The following PEAR1 variants were observed in gnomAD, a reference collection of about 807,000 sequenced individuals.
The protein encoded by PEAR1 is platelet endothelial aggregation receptor 1.
In PEAR1, 113 loss-of-function variants were observed where a neutral mutation model predicts 131.2. That is an observed-to-expected ratio of 0.86 (90% CI 0.74 to 1.01). The LOEUF (loss-of-function observed/expected upper bound fraction) is 1.01, where lower values mean the gene tolerates loss of function less well. Ranked by LOEUF, PEAR1 falls within the 50% of genes least tolerant of loss-of-function variation. The pLI is 0.00. For synonymous variants in PEAR1, 565 were observed against 523.3 expected, an observed-to-expected ratio of 1.08 and a Z score of -1.09; for missense variants, 1,408 against 1,391.1, an observed-to-expected ratio of 1.01 and a Z score of -0.19.
intron 22 of PEAR1, 99 bp from the exon 23 acceptor site, chr1:156,914,548 T>G (rs901263960): frequency 1.3e-5 from 16 of 1,267,456 alleles, no homozygotes; most frequent in Non-Finnish European, 1.5e-5. Flanking sequence ...TCTCTTTGCC[T>G]TGAAGAGGCT....
In PEAR1 at chr1:156,914,034, A is replaced by C; in HGVS notation, c.2896A>C (p.Arg966=). 1 of 1,609,756 alleles carries C rather than the reference A, an allele frequency of 6.2e-7. No homozygotes were observed. Among genetic ancestry groups the C allele is most frequent in the Non-Finnish European group, 8.5e-7 (1 of 1,178,212 alleles). Reference sequence around the variant, plus strand: ...GCCTCCTCAGTTCTGGGACAGCCAGAGGCGGCGGCAACCCCAGCCACAGAG... The same window carrying C: ...GCCTCCTCAGTTCTGGGACAGCCAGCGGCGGCGGCAACCCCAGCCACAGAG... ...RQPPQFWDSQ[R]RRQPQPQRDS... Residue 966 remains arginine, a synonymous_variant, in exon 22 of 23, where the codon AGG becomes CGG. Transcript: ENST00000292357.
chr1:156,913,675 T>G lies in PEAR1; in HGVS notation c.2645-17T>G. On this transcript the variant is annotated splice_polypyrimidine_tract_variant and intron_variant, in intron 20 of 22. Transcript: ENST00000292357. ...AGGGGACAGAGGGCTGATTACCAGT[T>G]GCCTCCTCCTCCTCAGGGAGCAGCC... 1 of 1,612,558 alleles carries G rather than the reference T, an allele frequency of 6.2e-7. No homozygotes were observed. Among genetic ancestry groups the G allele is most frequent in the South Asian group, 1.1e-5 (1 of 90,830 alleles).
rs752262891 is a variant in PEAR1 at position 156,904,530 on chromosome 1, G to A, written c.102-218G>A. Among the ~76,000 whole-genome samples the A allele has an allele frequency of 1.0e-3, 155 of 152,170 alleles. 3 individuals are homozygous for A. Among genetic ancestry groups the A allele is most frequent in the Non-Finnish European group, 2.6e-4 (18 of 68,026 alleles). On this transcript the variant is annotated intron_variant, in intron 2 of 22. Transcript: ENST00000292357. ...TCCGGTCCAATAGAGTGGGAAGGGC[G>A]CTCTGATGGAGGGTATCCCAGGAAC...
intron 1 of PEAR1, among the ~76,000 whole-genome samples, chr1:156,899,257 T>C (rs980969190): frequency 6.6e-6 from 1 of 150,660 alleles, no homozygotes; most frequent in African/African-American, 2.4e-5. Context: ...TACTCCAGGA[T>C]AGGAAGTGAT....
Position 156,910,144 on chromosome 1 carries a change from G to C in PEAR1, c.1678+36G>C, listed in dbSNP as rs571245318. 5 of 1,613,848 alleles carry C rather than the reference G, an allele frequency of 3.1e-6. No individual in the cohort carries two copies. The South Asian group carries it at 5.5e-5, about 18-fold the overall frequency. ...TGGGGCCCCAGGCCTACTGTGGATTGGGGGATGCATCCATAGGAAATGTGT... is the reference window on the plus strand; with the variant it reads ...TGGGGCCCCAGGCCTACTGTGGATTCGGGGATGCATCCATAGGAAATGTGT... On this transcript the variant is annotated intron_variant, in intron 13 of 22. Coordinates refer to ENST00000292357, the MANE Select transcript of PEAR1 (RefSeq NM_001080471.3).
intron 2 of PEAR1, 70 bp downstream of exon 2, chr1:156,904,097 G>T: frequency 7.7e-7 from 1 of 1,299,350 alleles, no homozygotes; most frequent in Non-Finnish European, 1.1e-6. Context: ...TGTCCCTACT[G>T]GGGTCCTTTT....
intron 2 of PEAR1, 33 bp downstream of exon 2, chr1:156,904,060 C>A: frequency 6.5e-7 from 1 of 1,543,678 alleles, no homozygotes; most frequent in Non-Finnish European, 9.0e-7. Flanking sequence ...TTGAGGGCAC[C>A]AAGCCCTAGC....
intron 3 of PEAR1, chr1:156,905,096 G>A (rs1419454610): frequency 7.6e-7 from 1 of 1,320,038 alleles, no homozygotes; most frequent in African/African-American, 1.5e-5. Flanking sequence ...GGGGGGGCAA[G>A]AAGGGAATGC....
Position 156,908,983 on chromosome 1 carries a change from G to A in PEAR1, c.1358G>A (p.Cys453Tyr). 1.2e-6 allele frequency: 2 copies of A among 1,614,134 alleles called. No individual in the cohort carries two copies. The highest frequency in any genetic ancestry group is 1.7e-6 in the Non-Finnish European group (2 of 1,180,032). The stretch of plus-strand genomic sequence containing the variant: ...GTCAACTGTTCTGCACGCTGCTCAT[G>A]TGAAAATGCCATCGCCTGCTCACCC... ...YGVNCSARCSCENAIACSPID... is the reference protein window; with the variant it reads ...YGVNCSARCSYENAIACSPID... The change falls in exon 11 of 23, where the codon TGT (cysteine) becomes TAT (tyrosine). Residue 453 changes from cysteine (C) to tyrosine (Y), a missense_variant. By Grantham distance (194) the Cys-to-Tyr change is radical. Coordinates refer to ENST00000292357, the MANE Select transcript of PEAR1 (RefSeq NM_001080471.3). This position sits in a 1 kb window ranked among gnomAD's most constrained non-coding sequence, Gnocchi z 4.2.
chr1:156,911,191 CT>C (rs1553269487), intron 15 of PEAR1, among the ~76,000 whole-genome samples: 2 of 108,600 alleles, frequency 1.8e-5, no homozygotes, highest in Admixed American at 9.0e-5. Context: ...TTTCTTCTTT[CT>C]TTCTTTCTTT....
chr1:156,906,297 T>C lies in PEAR1; in HGVS notation c.329T>C (p.Val110Ala). 6.2e-7 allele frequency: 1 copy of C among 1,614,134 alleles called. No homozygotes were observed. The highest frequency in any genetic ancestry group is 1.1e-5 in the South Asian group (1 of 91,076). ...CCAGCGCTCTGTGCCCAGGAGTGTG[T>C]CCATGGCCGTTGTGTGGCACCCAAT... ...FCVPLCAQEC[V>A]HGRCVAPNQC... The change falls in exon 5 of 23, where the codon GTC becomes GCC. Residue 110 changes from valine (V) to alanine (A), a missense_variant. Transcript: ENST00000292357.
In PEAR1 at chr1:156,912,590, C is replaced by T; in HGVS notation, c.2177C>T (p.Pro726Leu). The T allele has an allele frequency of 6.2e-7, 1 of 1,613,996 alleles. No individual in the cohort carries two copies. Reference protein sequence around the residue: ...CHPETGACVCPPGHSGAPCRI... With the variant: ...CHPETGACVCLPGHSGAPCRI... ...CCAGAGACTGGGGCCTGTGTATGTC[C>T]CCCAGGGCACAGTGGTGCACCTTGC... is the stretch of plus-strand genomic sequence containing the variant. The change falls in exon 17 of 23, where the codon CCC becomes CTC. Residue 726 changes from proline to leucine, a missense_variant. Physicochemically the swap from Pro to Leu is moderately conservative, Grantham distance 98 (BLOSUM62 -3). Coordinates refer to ENST00000292357, the MANE Select transcript of PEAR1 (RefSeq NM_001080471.3).
Position 156,906,632 on chromosome 1 carries a change from C to T in PEAR1, c.401-5C>T, listed in dbSNP as rs1650339219. ...TGACCCCCTTCCCGCCTCCTTATCC[C>T]ACAGAGTGTGCCCCAGGAATGTGGG... On this transcript the variant is annotated splice_polypyrimidine_tract_variant and splice_region_variant and intron_variant, in intron 5 of 22. Coordinates refer to ENST00000292357, the MANE Select transcript of PEAR1 (RefSeq NM_001080471.3). The T allele has an allele frequency of 6.2e-7, 1 of 1,614,142 alleles. No homozygotes were observed. Among genetic ancestry groups the T allele is most frequent in the Non-Finnish European group, 8.5e-7 (1 of 1,180,010 alleles).
chr1:156,904,425 C>T (rs571723873), intron 2 of PEAR1, among the ~76,000 whole-genome samples: 216 of 152,252 alleles, frequency 1.4e-3, no homozygotes, highest in African/African-American at 5.0e-3. Context: ...AGCCCATCGC[C>T]GCCAGCTGGG....
chr1:156,913,149 C>T, intron 18 of PEAR1, 45 bp from the exon 19 acceptor site: 2 of 1,593,828 alleles, frequency 1.3e-6, no homozygotes, highest in Non-Finnish European at 8.6e-7. Context: ...CTCTTGGACT[C>T]CTGCCCATCG....
Position 156,914,882 on chromosome 1 carries a change from G to A in PEAR1, c.*84G>A, listed in dbSNP as rs934267439. The A allele has an allele frequency of 3.4e-6, 5 of 1,466,444 alleles. No individual in the cohort carries two copies. Among genetic ancestry groups the A allele is most frequent in the Non-Finnish European group, 4.6e-6 (5 of 1,077,008 alleles). The allele number at this position is 1,466,444 out of a possible 1,614,324, so 90.8% of individuals were successfully genotyped here. A position where few individuals can be genotyped will look rare whatever the true frequency, so the allele number is the denominator to read the frequency against. On this transcript the variant is annotated 3_prime_UTR_variant, in exon 23 of 23. Coordinates refer to ENST00000292357, the MANE Select transcript of PEAR1 (RefSeq NM_001080471.3). ...GACAGAGCCTAGTGTACCCCTGCCA[G>A]GAGCAGGGAGTGGACCGGCAGGCTG...
At chr1:156,911,069 CTTTCTTTCTTT>C (rs1651045981) in intron 15 of PEAR1, among the ~76,000 whole-genome samples, 1 of 115,572 alleles carries the variant, frequency 8.7e-6, no homozygotes, top group African/African-American at 4.9e-5. Flanking sequence ...TTCTTTCTTT[CTTTCTTTCTTT>C]CTTTCTTTCT....
At chr1:156,906,570 C>CA (rs1650327643) in intron 5 of PEAR1, 67 bp from the exon 6 acceptor site, 2 of 1,592,630 alleles carry the variant, frequency 1.3e-6, no homozygotes, top group African/African-American at 2.7e-5. Flanking sequence ...GGCTGGGAGA[C>CA]AGAGACGGGG....
intron 19 of PEAR1, 23 bp from the exon 20 acceptor site, chr1:156,913,368 C>T (rs768507401): frequency 6.2e-7 from 1 of 1,609,446 alleles, no homozygotes; most frequent in South Asian, 1.1e-5. Context: ...TCTTGCTCTC[C>T]CTCCTGCACT....
Sources: gnomAD v4.1 joint callset for allele counts (sites outside exome capture counted in the v4.1 genomes callset) on GRCh38, gnomAD v4.1.1 for gene constraint, Gnocchi (gnomAD v3.1) non-coding constraint, MANE v1.5 for transcripts, NCBI Gene and HGNC (gene_info 2026-07-23, HGNC 2026-07-21) for gene names.